SCHIP1: variants seen among roughly 807,000 people sequenced by gnomAD.
SCHIP1 encodes the protein schwannomin-interacting protein 1.
SCHIP1 carries 8 observed loss-of-function variants against 29.7 expected under a neutral mutation model. That is an observed-to-expected ratio of 0.27 (90% confidence interval 0.16 to 0.49). The LOEUF (loss-of-function observed/expected upper bound fraction) is 0.49, where lower values mean the gene tolerates loss of function less well. SCHIP1 is among the 20% of genes least tolerant of loss of function. The pLI, the probability that SCHIP1 is intolerant of heterozygous loss-of-function variation, is 0.99. For synonymous variants in SCHIP1, 76 were observed against 94.9 expected, an observed-to-expected ratio of 0.80 and a Z score of 1.16; for missense variants, 193 against 294.6, an observed-to-expected ratio of 0.66 and a Z score of 2.52.
the SCHIP1 span, among the ~76,000 whole-genome samples, chr3:159,797,208 C>G: frequency 6.6e-6 from 1 of 152,150 alleles, no homozygotes; most frequent in Non-Finnish European, 1.5e-5. Context: ...TATTTTGTCC[C>G]TCTTGGAAAC....
At chr3:159,699,484 T>C in the SCHIP1 span, among the ~76,000 whole-genome samples, 2 of 152,172 alleles carry the variant, frequency 1.3e-5, no homozygotes, top group Admixed American at 1.3e-4. Flanking sequence ...AGTGAAGTCA[T>C]CTGGGATGTT....
At chr3:159,739,491 A>G in the SCHIP1 span, among the ~76,000 whole-genome samples, 1 of 152,262 alleles carries the variant, frequency 6.6e-6, no homozygotes, top group Non-Finnish European at 1.5e-5. Flanking sequence ...GCTGCTAAAT[A>G]ACATATAAAA....
chr3:159,832,967 G>A, the SCHIP1 span, among the ~76,000 whole-genome samples: 1 of 152,058 alleles, frequency 6.6e-6, no homozygotes, highest in Non-Finnish European at 1.5e-5. Context: ...ATCTCTTACT[G>A]TGCCTAAGTT....
chr3:159,458,029 A>G, the SCHIP1 span, among the ~76,000 whole-genome samples: 1 of 152,220 alleles, frequency 6.6e-6, no homozygotes, highest in Admixed American at 6.5e-5. Context: ...CTTAGCAATT[A>G]ATAAAACTTT....
At chr3:159,349,525 TA>T in the SCHIP1 span, among the ~76,000 whole-genome samples, 1 of 152,188 alleles carries the variant, frequency 6.6e-6, no homozygotes, top group African/African-American at 2.4e-5. Flanking sequence ...GGAGAAAATG[TA>T]TGTCAAAAAC....
chr3:159,343,878 C>T, the SCHIP1 span, among the ~76,000 whole-genome samples: 4 of 152,098 alleles, frequency 2.6e-5, no homozygotes, highest in African/African-American at 9.7e-5. Flanking sequence ...TATAAATTAT[C>T]AAGTAGTGTT....
chr3:159,850,140 A>C (rs756628210), intron 1 of SCHIP1, among the ~76,000 whole-genome samples: 4 of 152,230 alleles, frequency 2.6e-5, no homozygotes, highest in African/African-American at 4.8e-5. Flanking sequence ...TTGAGGCTTC[A>C]TCAGAAGAGA....
intron 2 of SCHIP1, among the ~76,000 whole-genome samples, chr3:159,874,782 C>T (rs1485031291): frequency 1.3e-5 from 2 of 152,112 alleles, no homozygotes; most frequent in African/African-American, 2.4e-5. Flanking sequence ...TTGTCTAGTT[C>T]CAACTCAGTG....
At chr3:159,761,570 G>C in the SCHIP1 span, among the ~76,000 whole-genome samples, 2 of 152,144 alleles carry the variant, frequency 1.3e-5, no homozygotes, top group African/African-American at 4.8e-5. Flanking sequence ...AGGGCTTCCT[G>C]TTCCAAAGTG....
the SCHIP1 span, among the ~76,000 whole-genome samples, chr3:159,373,068 GTATTT>G: frequency 6.6e-6 from 1 of 151,640 alleles, no homozygotes; most frequent in African/African-American, 2.4e-5. Flanking sequence ...TGAAAAAAGG[GTATTT>G]TATTTGCCCT....
the SCHIP1 span, among the ~76,000 whole-genome samples, chr3:159,541,642 C>T: frequency 6.6e-6 from 1 of 151,968 alleles, no homozygotes; most frequent in African/African-American, 2.4e-5. Context: ...AATAACTGTA[C>T]ATGTAAAATT....
chr3:159,290,846 T>A, the SCHIP1 span, among the ~76,000 whole-genome samples: 1 of 152,048 alleles, frequency 6.6e-6, no homozygotes, highest in Non-Finnish European at 1.5e-5. Flanking sequence ...AATCAAGATT[T>A]TTAGATATGA....
the SCHIP1 span, among the ~76,000 whole-genome samples, chr3:159,738,252 C>CAA: frequency 4.8e-4 from 67 of 139,830 alleles, no homozygotes; most frequent in East Asian, 3.2e-3. Context: ...CTTTAAATTA[C>CAA]AAAAAAAAAA....
chr3:159,766,286 G>A, the SCHIP1 span, among the ~76,000 whole-genome samples: 3 of 152,128 alleles, frequency 2.0e-5, no homozygotes, highest in African/African-American at 7.2e-5. Context: ...GGGTGAGGAT[G>A]GTAACTGTGT....
At chr3:159,275,132 C>T in the SCHIP1 span, 2 of 915,328 alleles carry the variant, frequency 2.2e-6, no homozygotes, top group South Asian at 5.1e-5. Context: ...ACATTTTTGT[C>T]ATCTTTGCTC....
chr3:159,766,131 G>A, the SCHIP1 span, among the ~76,000 whole-genome samples: 1 of 152,208 alleles, frequency 6.6e-6, no homozygotes, highest in Non-Finnish European at 1.5e-5. Context: ...CCTAATTAGG[G>A]CTGAAGGGCG....
chr3:159,742,978 C>T, the SCHIP1 span, among the ~76,000 whole-genome samples: 56 of 151,994 alleles, frequency 3.7e-4, 1 homozygote, highest in East Asian at 9.9e-3. Flanking sequence ...TGAGCCACCA[C>T]GCCGGGCCTT....
chr3:159,834,996 C>G (rs935972684), upstream of SCHIP1, among the ~76,000 whole-genome samples: 9 of 152,118 alleles, frequency 5.9e-5, no homozygotes, highest in African/African-American at 1.4e-4. Context: ...ATTCAAGGAC[C>G]TAGTTTCCCT....
At chr3:159,876,301 G>T (rs773457349) in intron 2 of SCHIP1, among the ~76,000 whole-genome samples, 1 of 152,208 alleles carries the variant, frequency 6.6e-6, no homozygotes, top group African/African-American at 2.4e-5. Context: ...CACTAGGCAG[G>T]CAGTGTAGCG....
Sources: allele counts gnomAD v4.1 joint callset (sites outside exome capture counted in the v4.1 genomes callset), GRCh38; gene constraint gnomAD v4.1.1; transcripts MANE v1.5; gene names NCBI Gene and HGNC (gene_info 2026-07-23, HGNC 2026-07-21).